CDK6: variants seen among roughly 807,000 people sequenced by gnomAD.
CDK6 encodes the protein cyclin-dependent kinase 6.
In CDK6, 6 loss-of-function variants were observed where a neutral mutation model predicts 37.1. That is an observed-to-expected ratio of 0.16 (90% CI 0.09 to 0.32). The LOEUF (loss-of-function observed/expected upper bound fraction) is 0.32. Ranked by LOEUF, CDK6 falls within the 10% of genes least tolerant of loss-of-function variation. The probability of loss-of-function intolerance (pLI) is 1.00; values close to 1 mark genes in which losing one functional copy is unlikely to be tolerated. For synonymous variants in CDK6, 160 were observed against 161.3 expected (o/e 0.99, Z 0.06); for missense variants, 224 against 418.9 (o/e 0.53, Z 4.06).
At chr7:92,633,238 T>C (rs578006823) in intron 5 of CDK6, among the ~76,000 whole-genome samples, 24 of 152,302 alleles carry the variant, frequency 1.6e-4, no homozygotes, top group African/African-American at 5.8e-4. Context: ...GAATATAATA[T>C]GCCTATCCAG....
chr7:92,618,945 T>C (rs1585340426), intron 6 of CDK6, among the ~76,000 whole-genome samples: 2 of 152,172 alleles, frequency 1.3e-5, no homozygotes, highest in Admixed American at 1.3e-4. Context: ...TGGGTTCAAA[T>C]CCTGCACCTG....
intron 4 of CDK6, among the ~76,000 whole-genome samples, chr7:92,676,071 T>C (rs1157749026): frequency 1.3e-5 from 2 of 152,032 alleles, no homozygotes; most frequent in Non-Finnish European, 2.9e-5. Flanking sequence ...TTATAATTTG[T>C]TGATTTCTAT....
rs1451488923 is a variant in CDK6, at chr7:92,834,262, G to A, written c.-367-572C>T. Among the ~76,000 whole-genome samples, 2 of 152,148 alleles carry A rather than the reference G, an allele frequency of 1.3e-5. No individual in the cohort carries two copies. The highest frequency in any genetic ancestry group is 2.9e-5 in the Non-Finnish European group (2 of 68,020). The stretch of plus-strand genomic sequence containing the variant: ...CGATGCTGGGAGTGTGCGAGAAGGG[G>A]TGGTCAGACATCTGCTCAGAAATTG... On this transcript the variant is annotated intron_variant, in intron 1 of 7. Transcript: ENST00000424848. This position sits in a 1 kb window ranked among gnomAD's most constrained non-coding sequence, Gnocchi z 4.6.
chr7:92,679,548 T>C (rs2116620535), intron 4 of CDK6, among the ~76,000 whole-genome samples: 1 of 152,316 alleles, frequency 6.6e-6, no homozygotes, highest in South Asian at 2.1e-4. Flanking sequence ...AGAATCTTTA[T>C]TTTGTCAAAG....
At chr7:92,779,883 G>A (rs1431036603) in intron 2 of CDK6, among the ~76,000 whole-genome samples, 2 of 152,160 alleles carry the variant, frequency 1.3e-5, no homozygotes, top group Non-Finnish European at 2.9e-5. Context: ...TATTTATGAT[G>A]CTTTTTTTTG....
rs957438431 is a variant in CDK6, at chr7:92,611,035, C to A, written c.*4105G>T. ...TATTAATCCCACAGTTACCAGATGA[C>A]CTTAGTATAAATTTTTACAATATAT... On this transcript the variant is annotated 3_prime_UTR_variant, in exon 8 of 8. Coordinates refer to ENST00000424848, the MANE Select transcript of CDK6 (RefSeq NM_001145306.2). 4.4e-6 allele frequency: 1 copy of A among 226,230 alleles called. No individual in the cohort carries two copies. The highest frequency in any genetic ancestry group is 2.2e-5 in the African/African-American group (1 of 45,022). 14.0% of individuals were successfully genotyped at this position (226,230 alleles called of 1,614,324 possible). A position where few individuals can be genotyped will look rare whatever the true frequency, so the allele number is the denominator to read the frequency against.
intron 4 of CDK6, among the ~76,000 whole-genome samples, chr7:92,698,156 C>T (rs3731323): frequency 4.7e-4 from 72 of 152,254 alleles, no homozygotes; most frequent in African/African-American, 1.6e-3. Context: ...GCTTAGACTC[C>T]GTTTTCTGAA....
At chr7:92,711,552 A>ATTTTTTTTTTTTTTTTTTTTT (rs11285626) in intron 4 of CDK6, among the ~76,000 whole-genome samples, 3 of 56,626 alleles carry the variant, frequency 5.3e-5, no homozygotes, top group African/African-American at 2.5e-4. Flanking sequence ...GAATGGTCAA[A>ATTTTTTTTTTTTTTTTTTTTT]TTTTTTTTTT....
intron 2 of CDK6, among the ~76,000 whole-genome samples, chr7:92,780,413 C>T (rs752391636): frequency 1.3e-5 from 2 of 152,096 alleles, no homozygotes; most frequent in Non-Finnish European, 2.9e-5. Flanking sequence ...CTACCTAGAA[C>T]CCTTACACTT....
intron 5 of CDK6, among the ~76,000 whole-genome samples, chr7:92,666,133 A>T (rs1796951829): frequency 6.6e-6 from 1 of 152,234 alleles, no homozygotes; most frequent in African/African-American, 2.4e-5. Context: ...TTCCTCAAAG[A>T]TTTTAAATAA....
At chr7:92,699,434 A>G (rs1797793213) in intron 4 of CDK6, among the ~76,000 whole-genome samples, 1 of 152,244 alleles carries the variant, frequency 6.6e-6, no homozygotes, top group Non-Finnish European at 1.5e-5. Context: ...TAAAAGCTCC[A>G]TATTTAAGTT....
chr7:92,685,833 T>A (rs921366843), intron 4 of CDK6, among the ~76,000 whole-genome samples: 1 of 152,232 alleles, frequency 6.6e-6, no homozygotes, highest in Admixed American at 6.5e-5. Context: ...TGAAGTAACC[T>A]GATGTTAAGC....
At position 92,671,526 on chromosome 7, in the gene CDK6, G is replaced by A; in HGVS notation, c.547C>T (p.Leu183=). The change falls in exon 5 of 8, where the codon CTG becomes TTG. Residue 183 remains leucine (L), a synonymous_variant. Coordinates refer to ENST00000424848, the MANE Select transcript of CDK6 (RefSeq NM_001145306.2). The stretch of plus-strand genomic sequence containing the variant: ...AAGACTTCGGGTGCTCTGTACCACA[G>A]CGTGACGACCTGCAATGGCAAGCGG... ...QMALTSVVVT[L]WYRAPEVLLQ... The A allele has an allele frequency of 6.4e-7, 1 of 1,562,740 alleles. No individual in the cohort carries two copies. The highest frequency in any genetic ancestry group is 8.7e-7 in the Non-Finnish European group (1 of 1,155,194).
At chr7:92,642,813 C>G (rs1430758758) in intron 5 of CDK6, among the ~76,000 whole-genome samples, 1 of 151,748 alleles carries the variant, frequency 6.6e-6, no homozygotes, top group Non-Finnish European at 1.5e-5. Flanking sequence ...AAAGCTGGCT[C>G]TCATGACCAC....
intron 4 of CDK6, among the ~76,000 whole-genome samples, chr7:92,695,282 A>AAAGAAAG (rs1554403914): frequency 6.7e-6 from 1 of 149,912 alleles, no homozygotes; most frequent in African/African-American, 2.5e-5. Flanking sequence ...AAAAAAAAAA[A>AAAGAAAG]AAAGAAAGAA....
intron 5 of CDK6, among the ~76,000 whole-genome samples, chr7:92,634,246 C>G (rs565320524): frequency 6.6e-5 from 10 of 152,132 alleles, no homozygotes; most frequent in Middle Eastern, 3.4e-3. Flanking sequence ...TACCATTTTT[C>G]CCCCATGAAA....
rs1470655326 is a variant in CDK6 at position 92,608,532 on chromosome 7, A to T, written c.*6608T>A. On this transcript the variant is annotated 3_prime_UTR_variant, in exon 8 of 8. Coordinates refer to ENST00000424848, the MANE Select transcript of CDK6 (RefSeq NM_001145306.2). ...AAAATAAAAAAAAATTCCTGCAATT[A>T]TACATCTTTTCTTTAAAAAAACAAA... 8.6e-6 allele frequency: 2 copies of T among 231,816 alleles called. No individual in the cohort carries two copies. The allele number at this position is 231,816 out of a possible 1,614,324, so 14.4% of individuals were successfully genotyped here.
intron 2 of CDK6, among the ~76,000 whole-genome samples, chr7:92,810,605 A>G (rs1278026705): frequency 6.6e-6 from 1 of 152,248 alleles, no homozygotes; most frequent in Non-Finnish European, 1.5e-5. Context: ...TTAAAAAACA[A>G]AACTTCAGTC....
At chr7:92,741,327 T>C (rs956385847) in intron 3 of CDK6, among the ~76,000 whole-genome samples, 5 of 152,238 alleles carry the variant, frequency 3.3e-5, no homozygotes, top group African/African-American at 1.2e-4. Flanking sequence ...CGTAGGACAC[T>C]AAGGTAAATT....
Sources: gnomAD v4.1 joint callset for allele counts (sites outside exome capture counted in the v4.1 genomes callset) on GRCh38, gnomAD v4.1.1 for gene constraint, Gnocchi (gnomAD v3.1) non-coding constraint, MANE v1.5 for transcripts, NCBI Gene and HGNC (gene_info 2026-07-23, HGNC 2026-07-21) for gene names.